Variants in INPP5A observed in about 807,000 individuals in gnomAD.
INPP5A encodes inositol polyphosphate-5-phosphatase A.
Under a neutral mutation model 65.2 loss-of-function variants are expected in INPP5A, and 14 were observed. The ratio of observed to expected loss-of-function variants is 0.21; its 90% CI spans 0.14 to 0.34. The LOEUF (loss-of-function observed/expected upper bound fraction) is 0.34. Ranked by LOEUF, INPP5A falls within the 10% of genes least tolerant of loss-of-function variation. INPP5A has a pLI of 1.00. For missense variants in INPP5A, 431 were observed against 545.6 expected, an observed-to-expected ratio of 0.79 and a Z score of 2.09; for synonymous variants, 207 against 208.3, an observed-to-expected ratio of 0.99 and a Z score of 0.05.
chr10:132,619,559 C>G (rs548023244), intron 2 of INPP5A, among the ~76,000 whole-genome samples: 1 of 152,288 alleles, frequency 6.6e-6, no homozygotes, highest in South Asian at 2.1e-4. Context: ...ATCCACTATG[C>G]AGTGCACTGC....
At chr10:132,717,819 G>T (rs545360668) in intron 8 of INPP5A, among the ~76,000 whole-genome samples, 2 of 144,652 alleles carry the variant, frequency 1.4e-5, no homozygotes, top group Non-Finnish European at 3.0e-5. Context: ...CCTGGGTTCT[G>T]TCTGGGCACC....
chr10:132,608,151 G>A (rs1051352866), intron 2 of INPP5A, among the ~76,000 whole-genome samples, 195 bp downstream of exon 2: 2 of 152,188 alleles, frequency 1.3e-5, no homozygotes, highest in South Asian at 2.1e-4. Flanking sequence ...CCCGCCTGCC[G>A]GTGAGCCTGG....
intron 4 of INPP5A, among the ~76,000 whole-genome samples, chr10:132,673,799 T>C (rs1216276723): frequency 6.6e-6 from 1 of 152,238 alleles, no homozygotes; most frequent in Non-Finnish European, 1.5e-5. Context: ...CTTCCCATGA[T>C]GGAAGAGGTC....
chr10:132,565,747 TTGTG>T (rs1161235291), intron 1 of INPP5A, among the ~76,000 whole-genome samples: 2 of 150,254 alleles, frequency 1.3e-5, no homozygotes, highest in African/African-American at 4.9e-5. Flanking sequence ...GTGTGCGCCG[TTGTG>T]TGTGGGTCTC....
chr10:132,750,855 C>G (rs1192933069), intron 11 of INPP5A, among the ~76,000 whole-genome samples: 1 of 152,208 alleles, frequency 6.6e-6, no homozygotes, highest in Non-Finnish European at 1.5e-5. Context: ...TGGGGAGTGG[C>G]CGGGGGAGAG....
intron 14 of INPP5A, 64 bp downstream of exon 14, chr10:132,780,981 G>T (rs1591011327): frequency 8.3e-7 from 1 of 1,200,526 alleles, no homozygotes; most frequent in Admixed American, 1.8e-5. Flanking sequence ...GGGCCGGGGG[G>T]CTGGGGCCAG....
At chr10:132,647,489 C>CAAAGAG (rs1186461615) in intron 3 of INPP5A, among the ~76,000 whole-genome samples, 1 of 152,122 alleles carries the variant, frequency 6.6e-6, no homozygotes, top group African/African-American at 2.4e-5. Context: ...ACTAAAATTG[C>CAAAGAG]CATATAAGAG....
At chr10:132,552,860 C>T (rs113014760) in intron 1 of INPP5A, among the ~76,000 whole-genome samples, 61 of 93,792 alleles carry the variant, frequency 6.5e-4, no homozygotes, top group South Asian at 1.1e-3. Flanking sequence ...GGAGGGAGGA[C>T]TGGTGAACGC....
At chr10:132,777,540 T>C (rs1847084486) in intron 12 of INPP5A, 131 bp from the exon 13 acceptor site, 3 of 728,394 alleles carry the variant, frequency 4.1e-6, no homozygotes, top group Non-Finnish European at 6.8e-6. Flanking sequence ...GAAACTTCCA[T>C]GTGTGTATTC....
At position 132,650,368 on chromosome 10, in the gene INPP5A, G is replaced by A. The variant is rs750223824; in HGVS notation, c.219-50G>A. 1.2e-5 allele frequency: 16 copies of A among 1,285,776 alleles called. No homozygotes were observed. The highest frequency in any genetic ancestry group is 2.3e-5 in the East Asian group (1 of 43,228). The allele number at this position is 1,285,776 out of a possible 1,614,324, so 79.6% of individuals were successfully genotyped here. A position where few individuals can be genotyped will look rare whatever the true frequency, so the allele number is the denominator to read the frequency against. ...ATACCTTGTGGTCATCTCATGAGGT[G>A]CAAGGCGTCTGTGTGGCTTTTCCTC... On this transcript the variant is annotated intron_variant, in intron 3 of 15. Coordinates refer to ENST00000368594, the MANE Select transcript of INPP5A (RefSeq NM_005539.5). The surrounding 1 kb of genome is among the most constrained non-coding windows in gnomAD (Gnocchi z 5.5).
Position 132,550,326 on chromosome 10 carries a change from A to G in INPP5A, c.75+12155A>G, listed in dbSNP as rs1278592333. On this transcript the variant is annotated intron_variant, in intron 1 of 15. Coordinates refer to ENST00000368594, the MANE Select transcript of INPP5A (RefSeq NM_005539.5). The surrounding 1 kb of genome is among the most constrained non-coding windows in gnomAD (Gnocchi z 4.2). ...GGGCTGTCTCAGGCCTCTGGCCAGT[A>G]GTCCCTGTCCTCTCCAGCGACCGCT... Among the ~76,000 whole-genome samples the G allele has an allele frequency of 6.6e-6, 1 of 152,192 alleles. No individual in the cohort carries two copies. The highest frequency in any genetic ancestry group is 2.4e-5 in the African/African-American group (1 of 41,446).
intron 2 of INPP5A, among the ~76,000 whole-genome samples, chr10:132,612,148 GTTCGT>G: frequency 6.7e-6 from 1 of 149,510 alleles, no homozygotes; most frequent in Admixed American, 6.7e-5. Flanking sequence ...GAGGTTATGA[GTTCGT>G]GGGAGAGGCC....
chr10:132,554,106 A>G (rs928734126), intron 1 of INPP5A, among the ~76,000 whole-genome samples: 12 of 150,610 alleles, frequency 8.0e-5, no homozygotes, highest in African/African-American at 2.9e-4. Context: ...TGGAATATTG[A>G]GTGGGATAGG....
chr10:132,546,828 G>A lies in INPP5A; in HGVS notation c.75+8657G>A, dbSNP rs917684484. 6.6e-6 allele frequency among the ~76,000 whole-genome samples: 1 copy of A among 152,208 alleles called. No individual in the cohort carries two copies. Among genetic ancestry groups the A allele is most frequent in the African/African-American group, 2.4e-5 (1 of 41,466 alleles). ...TTCCCTCTCGTTTCTGCCTGGGCCT[G>A]CCTGGCTGGTCTTGCCTGGCCCTGC... On this transcript the variant is annotated intron_variant, in intron 1 of 15. Transcript: ENST00000368594. This position sits in a 1 kb window ranked among gnomAD's most constrained non-coding sequence, Gnocchi z 5.7.
chr10:132,664,815 T>C (rs945528040), intron 4 of INPP5A, among the ~76,000 whole-genome samples: 1 of 152,228 alleles, frequency 6.6e-6, no homozygotes, highest in Admixed American at 6.5e-5. Flanking sequence ...CACGATGTTT[T>C]CCTGGGAGAA....
intron 1 of INPP5A, among the ~76,000 whole-genome samples, chr10:132,579,535 G>A (rs2071454816): frequency 1.3e-5 from 2 of 152,140 alleles, no homozygotes; most frequent in African/African-American, 4.8e-5. Context: ...GATGAACTGG[G>A]CTGATGCTTG....
Position 132,609,138 on chromosome 10 carries a change from G to A in INPP5A, c.117+1182G>A, listed in dbSNP as rs113161507. ...GGTGAGGAAGCCATTGTTCTACAGG[G>A]ACCTGATAAATCTCTCTCCGTAGAG... On this transcript the variant is annotated intron_variant, in intron 2 of 15. Coordinates refer to ENST00000368594, the MANE Select transcript of INPP5A (RefSeq NM_005539.5). 8.1e-3 allele frequency among the ~76,000 whole-genome samples: 1,241 copies of A among 152,356 alleles called. 15 individuals are homozygous for A. Among genetic ancestry groups the A allele is most frequent in the African/African-American group, 0.029 (1,189 of 41,578 alleles).
rs140549321 is a variant in INPP5A, at chr10:132,653,365, C to T, written c.306+2860C>T. On this transcript the variant is annotated intron_variant, in intron 4 of 15. Transcript: ENST00000368594. ...GCTTTCAGGGTTTTCCAGGTGGGTC[C>T]GGAGCGGCCTGTGCTTAAGGGCTCA... Among the ~76,000 whole-genome samples, 1,186 of 152,296 alleles carry T rather than the reference C, an allele frequency of 7.8e-3. 16 individuals are homozygous for T. Among genetic ancestry groups the T allele is most frequent in the African/African-American group, 0.027 (1,136 of 41,572 alleles).
At chr10:132,779,581 G>A (rs1156709385) in intron 13 of INPP5A, among the ~76,000 whole-genome samples, 8 of 152,208 alleles carry the variant, frequency 5.3e-5, no homozygotes, top group Non-Finnish European at 1.0e-4. Flanking sequence ...CTCTGGATCC[G>A]GGACTTGACA....
Sources: gnomAD v4.1 joint callset for allele counts (sites outside exome capture counted in the v4.1 genomes callset) on GRCh38, gnomAD v4.1.1 for gene constraint, Gnocchi (gnomAD v3.1) non-coding constraint, MANE v1.5 for transcripts, NCBI Gene and HGNC (gene_info 2026-07-23, HGNC 2026-07-21) for gene names.